UNC5C: variants seen among roughly 807,000 people sequenced by gnomAD.
UNC5C encodes the protein netrin receptor UNC5C.
A neutral mutation model predicts 99.8 loss-of-function variants in UNC5C; 47 were observed. The observed-to-expected ratio is 0.47, with a 90% CI of 0.37 to 0.60. The LOEUF is 0.60. UNC5C is among the 20% of genes least tolerant of loss of function. The probability of loss-of-function intolerance (pLI) is 0.00; values close to 1 mark genes in which losing one functional copy is unlikely to be tolerated. For missense variants in UNC5C, 1,062 were observed against 1,165.9 expected, an observed-to-expected ratio of 0.91 and a Z score of 1.30; for synonymous variants, 487 against 452.2, an observed-to-expected ratio of 1.08 and a Z score of -0.98.
At chr4:95,385,880 T>G (rs2149443458) in intron 1 of UNC5C, among the ~76,000 whole-genome samples, 1 of 152,254 alleles carries the variant, frequency 6.6e-6, no homozygotes, top group South Asian at 2.1e-4. Flanking sequence ...CTGAGAAAAA[T>G]CAAGCTCTGT....
intron 1 of UNC5C, among the ~76,000 whole-genome samples, chr4:95,496,972 C>T (rs932613415): frequency 6.6e-6 from 1 of 151,896 alleles, no homozygotes; most frequent in Non-Finnish European, 1.5e-5. Context: ...GAATAACAAC[C>T]TCCAGCTCCA....
At chr4:95,337,628 A>G (rs1743400368) in intron 1 of UNC5C, among the ~76,000 whole-genome samples, 1 of 151,988 alleles carries the variant, frequency 6.6e-6, no homozygotes, top group Non-Finnish European at 1.5e-5. Flanking sequence ...TAGAAAATGT[A>G]TGGGCAAACT....
chr4:95,510,843 G>A (rs771904838), intron 1 of UNC5C, among the ~76,000 whole-genome samples: 1 of 152,030 alleles, frequency 6.6e-6, no homozygotes, highest in African/African-American at 2.4e-5. Flanking sequence ...AATTTGCCTC[G>A]GCATTTTCCT....
At chr4:95,489,668 G>A (rs1242564474) in intron 1 of UNC5C, among the ~76,000 whole-genome samples, 1 of 151,760 alleles carries the variant, frequency 6.6e-6, no homozygotes, top group Non-Finnish European at 1.5e-5. Flanking sequence ...GAGACTGTTA[G>A]TAGATGGATT....
intron 1 of UNC5C, among the ~76,000 whole-genome samples, chr4:95,381,777 C>T (rs2149442105): frequency 6.6e-6 from 1 of 152,104 alleles, no homozygotes; most frequent in African/African-American, 2.4e-5. Flanking sequence ...AAAAAACCTG[C>T]TAAAATGTTA....
intron 1 of UNC5C, among the ~76,000 whole-genome samples, chr4:95,387,662 C>T (rs1344912410): frequency 6.6e-6 from 1 of 152,138 alleles, no homozygotes; most frequent in African/African-American, 2.4e-5. Flanking sequence ...TGACTGCTGT[C>T]CCATGAACTT....
intron 1 of UNC5C, among the ~76,000 whole-genome samples, chr4:95,361,178 G>A (rs1010208046): frequency 7.2e-5 from 11 of 152,088 alleles, no homozygotes; most frequent in South Asian, 2.1e-4. Flanking sequence ...CTATTTCAAG[G>A]TTTCATGAAG....
chr4:95,171,472 A>C (rs1271242423), intron 14 of UNC5C, among the ~76,000 whole-genome samples: 3 of 149,592 alleles, frequency 2.0e-5, no homozygotes, highest in Non-Finnish European at 3.0e-5. Context: ...TTCCCCCGTG[A>C]GTGAGAATAT....
At chr4:95,256,235 T>A (rs1396887203) in intron 4 of UNC5C, among the ~76,000 whole-genome samples, 1 of 152,040 alleles carries the variant, frequency 6.6e-6, no homozygotes, top group Non-Finnish European at 1.5e-5. Context: ...TAAATTTATC[T>A]CCAGCCCAGA....
chr4:95,188,430 C>G (rs1736921019), intron 12 of UNC5C, among the ~76,000 whole-genome samples: 1 of 152,216 alleles, frequency 6.6e-6, no homozygotes, highest in Admixed American at 6.5e-5. Flanking sequence ...TAAAACCACA[C>G]AGGAACAGGA....
At chr4:95,402,742 A>G (rs1745734731) in intron 1 of UNC5C, among the ~76,000 whole-genome samples, 1 of 152,228 alleles carries the variant, frequency 6.6e-6, no homozygotes, top group Admixed American at 6.5e-5. Flanking sequence ...ACTTTAGCCC[A>G]TGCCATTTCT....
At chr4:95,299,426 G>A (rs1365399808) in intron 3 of UNC5C, among the ~76,000 whole-genome samples, 2 of 152,164 alleles carry the variant, frequency 1.3e-5, no homozygotes, top group Non-Finnish European at 2.9e-5. Flanking sequence ...TATTATGGGA[G>A]CCCTAGAAAA....
chr4:95,537,372 G>C (rs1475394088), intron 1 of UNC5C, among the ~76,000 whole-genome samples: 1 of 152,134 alleles, frequency 6.6e-6, no homozygotes, highest in Non-Finnish European at 1.5e-5. Flanking sequence ...TAGGGGAGGG[G>C]AAGGTCGGCG....
intron 1 of UNC5C, among the ~76,000 whole-genome samples, chr4:95,380,443 ATTT>A (rs10560399): frequency 0.034 from 4,533 of 132,886 alleles, 169 homozygotes; most frequent in African/African-American, 0.11. Flanking sequence ...CTTAAGAAAC[ATTT>A]TTTTTTTTTT....
chr4:95,224,463 A>G (rs1233787832), intron 7 of UNC5C, among the ~76,000 whole-genome samples: 2 of 152,204 alleles, frequency 1.3e-5, no homozygotes, highest in Non-Finnish European at 2.9e-5. Flanking sequence ...AGGCAGACCA[A>G]GAATAGAGAA....
In UNC5C at chr4:95,425,220, A is replaced by C. The variant is rs370713511; in HGVS notation, c.125-89589T>G. ...CTATTCTATATTATCTCAGATTTAC[A>C]GTGATTTTCTACACAAATTCTTCTA... On this transcript the variant is annotated intron_variant, in intron 1 of 15. Coordinates refer to ENST00000453304, the MANE Select transcript of UNC5C (RefSeq NM_003728.4). Among the ~76,000 whole-genome samples, 5 of 152,374 alleles carry C rather than the reference A, an allele frequency of 3.3e-5. No homozygotes were observed. The South Asian group carries it at 1.0e-3, about 32-fold the overall frequency.
intron 10 of UNC5C, among the ~76,000 whole-genome samples, chr4:95,215,157 G>A (rs1233249732): frequency 5.3e-5 from 8 of 152,256 alleles, no homozygotes; most frequent in Non-Finnish European, 7.4e-5. Context: ...AAAAATGGAC[G>A]TTTTTCTGAG....
Position 95,323,591 on chromosome 4 carries a change from G to A in UNC5C, c.346+11819C>T, listed in dbSNP as rs747606524. ...GCTCAAAAGGGTAAAGAAAAGAGTA[G>A]GCATCACTTGATAGAATTTATACAG... On this transcript the variant is annotated intron_variant, in intron 2 of 15. Transcript: ENST00000453304. Among the ~76,000 whole-genome samples, 7 of 152,130 alleles carry A rather than the reference G, an allele frequency of 4.6e-5. No homozygotes were observed. The East Asian group carries it at 9.6e-4, about 21-fold the overall frequency.
chr4:95,186,456 T>G (rs1468840234), intron 12 of UNC5C, among the ~76,000 whole-genome samples: 1 of 152,124 alleles, frequency 6.6e-6, no homozygotes, highest in Non-Finnish European at 1.5e-5. Flanking sequence ...GTTGAACGAA[T>G]TCTAACCCAT....
Sources: gnomAD v4.1 joint callset for allele counts (sites outside exome capture counted in the v4.1 genomes callset) on GRCh38, gnomAD v4.1.1 for gene constraint, MANE v1.5 for transcripts, NCBI Gene and HGNC (gene_info 2026-07-23, HGNC 2026-07-21) for gene names.